PIBF1: variants seen among roughly 807,000 people sequenced by gnomAD.
The protein encoded by PIBF1 is progesterone immunomodulatory binding factor 1.
PIBF1 carries 90 observed loss-of-function variants against 112.5 expected under a neutral mutation model. The ratio of observed to expected loss-of-function variants is 0.80; its 90% confidence interval spans 0.67 to 0.95. The LOEUF (loss-of-function observed/expected upper bound fraction) is 0.95. PIBF1 is among the 40% of genes least tolerant of loss of function. The pLI is 0.00. For synonymous variants in PIBF1, 301 were observed against 288.6 expected (o/e 1.04, Z -0.44); for missense variants, 915 against 852.3 (o/e 1.07, Z -0.92).
At chr13:72,807,768 C>T (rs1211284257) in intron 5 of PIBF1, among the ~76,000 whole-genome samples, 1 of 152,064 alleles carries the variant, frequency 6.6e-6, no homozygotes, top group Admixed American at 6.6e-5. Context: ...CTTATATTCC[C>T]AAAATTAGCA....
chr13:72,928,016 CATATATATACATATAT>C (rs2041573670), intron 13 of PIBF1, among the ~76,000 whole-genome samples: 1 of 53,996 alleles, frequency 1.9e-5, no homozygotes, highest in Admixed American at 2.6e-4. Flanking sequence ...CATATATATA[CATATATATACATATAT>C]ATATATATAT....
chr13:72,929,079 C>A (rs977403557), intron 13 of PIBF1, among the ~76,000 whole-genome samples: 11 of 152,050 alleles, frequency 7.2e-5, no homozygotes, highest in Non-Finnish European at 1.3e-4. Context: ...TGAAAAATTA[C>A]CATGTTTAAG....
At chr13:72,840,110 T>C (rs1566341499) in intron 9 of PIBF1, among the ~76,000 whole-genome samples, 1 of 152,216 alleles carries the variant, frequency 6.6e-6, no homozygotes, top group Non-Finnish European at 1.5e-5. Flanking sequence ...GTGTACAGGC[T>C]TGCCTTTATC....
chr13:72,844,165 C>T (rs1296814903), intron 9 of PIBF1, among the ~76,000 whole-genome samples: 1 of 152,144 alleles, frequency 6.6e-6, no homozygotes, highest in East Asian at 1.9e-4. Flanking sequence ...GTAATTGAGA[C>T]ATCAACTGTG....
At chr13:72,871,424 G>A (rs113205163) in intron 10 of PIBF1, among the ~76,000 whole-genome samples, 68 of 152,168 alleles carry the variant, frequency 4.5e-4, no homozygotes, top group African/African-American at 1.6e-3. Flanking sequence ...TCCTGCCTCA[G>A]CCTCCTGAGT....
At chr13:72,985,712 A>G (rs1473968882) in intron 16 of PIBF1, among the ~76,000 whole-genome samples, 1 of 152,234 alleles carries the variant, frequency 6.6e-6, no homozygotes, top group Non-Finnish European at 1.5e-5. Context: ...GAAGGCTGGA[A>G]TACAACATGG....
chr13:72,933,528 G>A (rs1176677602), intron 14 of PIBF1, among the ~76,000 whole-genome samples: 1 of 152,212 alleles, frequency 6.6e-6, no homozygotes, highest in Non-Finnish European at 1.5e-5. Context: ...TGGGCATGAT[G>A]GCACATGCCT....
At chr13:72,951,129 T>A (rs2042284538) in intron 14 of PIBF1, among the ~76,000 whole-genome samples, 1 of 152,254 alleles carries the variant, frequency 6.6e-6, no homozygotes, top group Non-Finnish European at 1.5e-5. Flanking sequence ...TTATCATTTG[T>A]GTGTGTGCCT....
chr13:73,005,626 T>A (rs61966237), intron 17 of PIBF1, among the ~76,000 whole-genome samples: 4,878 of 152,224 alleles, frequency 0.032, 128 homozygotes, highest in South Asian at 0.051. Flanking sequence ...AACGTAGCAG[T>A]TATTTATAAT....
intron 3 of PIBF1, among the ~76,000 whole-genome samples, chr13:72,795,156 G>A (rs1278918458): frequency 2.6e-5 from 4 of 151,940 alleles, no homozygotes; most frequent in Non-Finnish European, 5.9e-5. Flanking sequence ...AATTTATATG[G>A]TTACACATTT....
At chr13:72,804,064 C>T (rs1367847087) in intron 5 of PIBF1, among the ~76,000 whole-genome samples, 1 of 151,908 alleles carries the variant, frequency 6.6e-6, no homozygotes, top group Middle Eastern at 3.2e-3. Flanking sequence ...TATTGTTGGC[C>T]TGAAGCAGAC....
At chr13:72,832,353 A>G (rs1011763638) in intron 8 of PIBF1, among the ~76,000 whole-genome samples, 1 of 152,014 alleles carries the variant, frequency 6.6e-6, no homozygotes, top group Non-Finnish European at 1.5e-5. Context: ...CAGTTTCTTC[A>G]TAGTGTCGAT....
chr13:72,918,253 A>G (rs570705330), intron 13 of PIBF1, among the ~76,000 whole-genome samples: 3 of 151,974 alleles, frequency 2.0e-5, no homozygotes, highest in East Asian at 3.9e-4. Flanking sequence ...GGATATACCT[A>G]TTTCTCTGCC....
At chr13:72,857,472 C>T (rs933407982) in intron 10 of PIBF1, among the ~76,000 whole-genome samples, 1 of 152,200 alleles carries the variant, frequency 6.6e-6, no homozygotes, top group Non-Finnish European at 1.5e-5. Context: ...ATATTTGCAA[C>T]GTCTGTCACA....
chr13:72,965,327 C>A lies in PIBF1; in HGVS notation c.1887C>A (p.Leu629=). The change falls in exon 15 of 18, where the codon CTC becomes CTA. Residue 629 remains leucine (L), a synonymous_variant. Transcript: ENST00000326291. ...LNQTQQPYRY[L]IESVRQRDSK... ...AGACTCAACAGCCTTACAGGTATCT[C>A]ATTGAATCAGTGCGTCAGAGAGATT... 3 of 1,610,756 alleles carry A rather than the reference C, an allele frequency of 1.9e-6. No homozygotes were observed. Among genetic ancestry groups the A allele is most frequent in the Non-Finnish European group, 2.5e-6 (3 of 1,177,246 alleles).
chr13:72,903,567 A>C (rs902621609), intron 11 of PIBF1, among the ~76,000 whole-genome samples: 1 of 152,208 alleles, frequency 6.6e-6, no homozygotes, highest in African/African-American at 2.4e-5. Flanking sequence ...AAATATGGCT[A>C]CTTCACTGAG....
intron 13 of PIBF1, among the ~76,000 whole-genome samples, chr13:72,930,922 C>T (rs952951494): frequency 7.9e-5 from 12 of 152,092 alleles, no homozygotes; most frequent in African/African-American, 2.2e-4. Flanking sequence ...GGCTAAAAAC[C>T]GTTACTGCAG....
intron 3 of PIBF1, among the ~76,000 whole-genome samples, chr13:72,794,137 G>A (rs9592869): frequency 0.032 from 4,800 of 152,278 alleles, 88 homozygotes; most frequent in Middle Eastern, 0.058. Flanking sequence ...TGATGAAAAT[G>A]TATCAAGGAA....
intron 6 of PIBF1, among the ~76,000 whole-genome samples, chr13:72,822,787 G>A (rs2138130241): frequency 6.6e-6 from 1 of 152,322 alleles, no homozygotes; most frequent in South Asian, 2.1e-4. Flanking sequence ...GTGGATAGAA[G>A]ATTGTCATTT....
Sources: allele counts gnomAD v4.1 joint callset (sites outside exome capture counted in the v4.1 genomes callset), GRCh38; gene constraint gnomAD v4.1.1; transcripts MANE v1.5; gene names NCBI Gene and HGNC (gene_info 2026-07-23, HGNC 2026-07-21).